SGCZ: variants seen among roughly 807,000 people sequenced by gnomAD.
SGCZ encodes zeta-sarcoglycan.
SGCZ carries 40 observed loss-of-function variants against 41.3 expected under a neutral mutation model. The observed-to-expected ratio is 0.97, with a 90% CI of 0.75 to 1.26. The LOEUF (loss-of-function observed/expected upper bound fraction) is 1.26. Among genes scored for constraint, SGCZ ranks in the 50% most tolerant of loss-of-function variants. The probability of loss-of-function intolerance (pLI) is 0.00; values close to 1 mark genes in which losing one functional copy is unlikely to be tolerated. For missense variants in SGCZ, 552 were observed against 369.8 expected (o/e 1.49, Z -4.04); for synonymous variants, 206 against 137.5 (o/e 1.50, Z -3.49).
intron 2 of SGCZ, among the ~76,000 whole-genome samples, chr8:14,536,312 C>A (rs1803295142): frequency 6.6e-6 from 1 of 151,712 alleles, no homozygotes. Context: ...TTAAATTACG[C>A]TCAAAATTGC....
At chr8:14,167,552 C>T (rs1444274522) in intron 4 of SGCZ, among the ~76,000 whole-genome samples, 1 of 150,968 alleles carries the variant, frequency 6.6e-6, no homozygotes, top group African/African-American at 2.4e-5. Flanking sequence ...AACTCACAAT[C>T]AACAAAGAGA....
At chr8:14,270,264 G>A (rs759469214) in intron 3 of SGCZ, among the ~76,000 whole-genome samples, 12 of 152,136 alleles carry the variant, frequency 7.9e-5, no homozygotes, top group South Asian at 4.1e-4. Context: ...CCTGGGAGGC[G>A]GAGGTTGCAG....
intron 1 of SGCZ, among the ~76,000 whole-genome samples, chr8:14,566,836 CA>C (rs1785961111): frequency 6.6e-6 from 1 of 152,170 alleles, no homozygotes; most frequent in African/African-American, 2.4e-5. Context: ...GAGGCACAGG[CA>C]GGAACCGGGG....
At chr8:14,688,278 G>A (rs991826723) in intron 1 of SGCZ, among the ~76,000 whole-genome samples, 1 of 152,180 alleles carries the variant, frequency 6.6e-6, no homozygotes, top group Non-Finnish European at 1.5e-5. Context: ...CCATGCCTAT[G>A]TCCTGAATGG....
intron 1 of SGCZ, among the ~76,000 whole-genome samples, chr8:14,850,057 C>T (rs1303219292): frequency 6.6e-6 from 1 of 152,104 alleles, no homozygotes; most frequent in African/African-American, 2.4e-5. Flanking sequence ...TCGCTCTCTT[C>T]TATATATAGG....
At chr8:14,673,150 T>C (rs1808158036) in intron 1 of SGCZ, among the ~76,000 whole-genome samples, 1 of 152,116 alleles carries the variant, frequency 6.6e-6, no homozygotes, top group South Asian at 2.1e-4. Flanking sequence ...ACATAGTGAG[T>C]GTTATGATGT....
At chr8:15,157,651 G>C (rs878957859) in intron 1 of SGCZ, among the ~76,000 whole-genome samples, 12 of 151,986 alleles carry the variant, frequency 7.9e-5, no homozygotes, top group African/African-American at 2.9e-4. Context: ...AACATGTCTT[G>C]TCTCTTCCTC....
At chr8:14,551,448 A>ATATATATTATATATATTATATATAT (rs1803807351) in intron 2 of SGCZ, among the ~76,000 whole-genome samples, 4 of 2,392 alleles carry the variant, frequency 1.7e-3, no homozygotes, top group African/African-American at 2.4e-3. Flanking sequence ...ACTATTTCAT[A>ATATATATTATATATATTATATATAT]TATATATTAT....
At chr8:14,995,437 C>G (rs1802181860) in intron 1 of SGCZ, among the ~76,000 whole-genome samples, 1 of 152,132 alleles carries the variant, frequency 6.6e-6, no homozygotes, top group South Asian at 2.1e-4. Flanking sequence ...CAGATGGTTG[C>G]AGGTTTCTAT....
At chr8:14,431,438 G>A (rs1210905200) in intron 2 of SGCZ, among the ~76,000 whole-genome samples, 3 of 150,464 alleles carry the variant, frequency 2.0e-5, no homozygotes, top group Non-Finnish European at 4.4e-5. Flanking sequence ...ATGAAGTGGG[G>A]AGAAGACACC....
intron 1 of SGCZ, among the ~76,000 whole-genome samples, chr8:15,005,536 C>T (rs1802584909): frequency 6.7e-6 from 1 of 148,610 alleles, no homozygotes; most frequent in Non-Finnish European, 1.5e-5. Flanking sequence ...TCTCCATGTT[C>T]GTTAGGCTGG....
At chr8:14,497,915 T>C (rs545045953) in intron 2 of SGCZ, among the ~76,000 whole-genome samples, 2 of 152,326 alleles carry the variant, frequency 1.3e-5, no homozygotes, top group South Asian at 4.1e-4. Context: ...CCAAAATGTT[T>C]ACAACCATTT....
intron 3 of SGCZ, among the ~76,000 whole-genome samples, chr8:14,318,884 T>C (rs1415863967): frequency 6.6e-6 from 1 of 151,790 alleles, no homozygotes; most frequent in African/African-American, 2.4e-5. Context: ...TAAAAAATCG[T>C]TATAAGATAA....
At chr8:14,497,275 T>A (rs999898303) in intron 2 of SGCZ, among the ~76,000 whole-genome samples, 17 of 152,166 alleles carry the variant, frequency 1.1e-4, no homozygotes, top group African/African-American at 4.1e-4. Flanking sequence ...CTGAAGCTTA[T>A]AATCATGGAA....
At chr8:15,194,856 G>A (rs1800670051) in intron 1 of SGCZ, among the ~76,000 whole-genome samples, 1 of 152,160 alleles carries the variant, frequency 6.6e-6, no homozygotes, top group African/African-American at 2.4e-5. Context: ...CAACCTATAA[G>A]GTAAGTTTGT....
chr8:14,235,659 G>A (rs1271831395), intron 4 of SGCZ, among the ~76,000 whole-genome samples: 1 of 152,078 alleles, frequency 6.6e-6, no homozygotes, highest in African/African-American at 2.4e-5. Flanking sequence ...GTCTGACAGT[G>A]GGCATGGGTA....
At chr8:14,650,040 A>G (rs1807346859) in intron 1 of SGCZ, among the ~76,000 whole-genome samples, 1 of 152,062 alleles carries the variant, frequency 6.6e-6, no homozygotes, top group African/African-American at 2.4e-5. Context: ...GGGGAGGAAA[A>G]GTTTCTCTAA....
chr8:14,248,853 G>T (rs577605251), intron 3 of SGCZ, among the ~76,000 whole-genome samples: 22 of 151,922 alleles, frequency 1.4e-4, no homozygotes, highest in Admixed American at 7.2e-4. Context: ...CATGTATGCT[G>T]TAACTTAATT....
At chr8:14,888,981 G>A (rs1211409549) in intron 1 of SGCZ, among the ~76,000 whole-genome samples, 1 of 152,012 alleles carries the variant, frequency 6.6e-6, no homozygotes, top group Non-Finnish European at 1.5e-5. Flanking sequence ...ATATTATCTA[G>A]CACATTTGCC....
Sources: gnomAD v4.1 joint callset for allele counts (sites outside exome capture counted in the v4.1 genomes callset) on GRCh38, gnomAD v4.1.1 for gene constraint, MANE v1.5 for transcripts, NCBI Gene and HGNC (gene_info 2026-07-23, HGNC 2026-07-21) for gene names.